DPP6: variants seen among roughly 807,000 people sequenced by gnomAD.
DPP6 encodes dipeptidyl peptidase like 6.
DPP6 carries 69 observed loss-of-function variants against 122.6 expected under a neutral mutation model. The observed-to-expected ratio is 0.56, with a 90% CI of 0.46 to 0.69. DPP6 has a LOEUF of 0.69. DPP6 is among the 30% of genes least tolerant of loss of function. The pLI is 0.00. For missense variants in DPP6, 928 were observed against 1,116.9 expected (o/e 0.83, Z 2.41); for synonymous variants, 418 against 433.1 (o/e 0.97, Z 0.43).
At chr7:154,180,515 TATAA>T (rs72360405) in intron 1 of DPP6, among the ~76,000 whole-genome samples, 5,674 of 144,258 alleles carry the variant, frequency 0.039, 350 homozygotes, top group African/African-American at 0.14. Context: ...AATAAATATA[TATAA>T]ATATATAGAG....
intron 5 of DPP6, among the ~76,000 whole-genome samples, chr7:154,573,206 G>T (rs112031070): frequency 0.013 from 2,023 of 152,224 alleles, 51 homozygotes; most frequent in East Asian, 0.087. Flanking sequence ...TGATCCAAGC[G>T]TTTTCTGCTG....
At chr7:154,097,009 T>C (rs1485805978) in intron 1 of DPP6, among the ~76,000 whole-genome samples, 2 of 152,222 alleles carry the variant, frequency 1.3e-5, no homozygotes, top group African/African-American at 2.4e-5. Context: ...TGTGCTCCCC[T>C]TGTAGGTAGA....
chr7:154,773,055 A>C, intron 10 of DPP6, 113 bp downstream of exon 10: 1 of 1,314,190 alleles, frequency 7.6e-7, no homozygotes, highest in South Asian at 2.0e-5. Flanking sequence ...AACATCCAAG[A>C]AAAAGGTACC....
At chr7:154,076,006 A>T (rs1476516755) in intron 1 of DPP6, among the ~76,000 whole-genome samples, 1 of 151,638 alleles carries the variant, frequency 6.6e-6, no homozygotes, top group Non-Finnish European at 1.5e-5. Context: ...AAATAAAGGA[A>T]TGAACTTATA....
At chr7:153,802,326 G>A in the DPP6 span, among the ~76,000 whole-genome samples, 1 of 152,198 alleles carries the variant, frequency 6.6e-6, no homozygotes. Context: ...GCGCTCACCT[G>A]TGCCTACTGG....
Position 154,131,349 on chromosome 7 carries a change from A to G in DPP6, c.243+78286A>G, listed in dbSNP as rs143112986. On this transcript the variant is annotated intron_variant, in intron 1 of 25. Coordinates refer to ENST00000377770, the MANE Select transcript of DPP6 (RefSeq NM_130797.4). ...TCAGTTGTGACTGATAACATGCTGGACCCGTGTTGGGAAAACTGAACTGGA... is the reference window on the plus strand; with the variant it reads ...TCAGTTGTGACTGATAACATGCTGGGCCCGTGTTGGGAAAACTGAACTGGA... Among the ~76,000 whole-genome samples, 46 of 152,260 alleles carry G rather than the reference A, an allele frequency of 3.0e-4. No individual in the cohort carries two copies. The East Asian group carries it at 3.7e-3, about 12-fold the overall frequency.
At chr7:154,829,411 G>T (rs1412923624) in intron 16 of DPP6, among the ~76,000 whole-genome samples, 4 of 128,192 alleles carry the variant, frequency 3.1e-5, no homozygotes, top group African/African-American at 5.7e-5. Context: ...AGAAGAGGGG[G>T]AGAGGAGGAG....
chr7:153,891,018 A>ATT (rs71182849), intron 1 of DPP6, among the ~76,000 whole-genome samples: 7 of 59,192 alleles, frequency 1.2e-4, no homozygotes, highest in Admixed American at 4.7e-4. Flanking sequence ...TTCTATTTTA[A>ATT]TTTTTTTTTT....
chr7:154,002,268 G>A (rs1197524667), intron 1 of DPP6, among the ~76,000 whole-genome samples: 1 of 151,428 alleles, frequency 6.6e-6, no homozygotes, highest in Non-Finnish European at 1.5e-5. Context: ...GCTTTTTTAG[G>A]CCTCTTACCA....
rs555175653 is a variant in DPP6, at chr7:154,849,544, T to C, written c.1667-4236T>C. On this transcript the variant is annotated intron_variant, in intron 16 of 25. Transcript: ENST00000377770. ...GTAACCTGCAGCTTTACTGAATTTG[T>C]CCATCAGTTCTAACATTCCTTTGGT... is the stretch of plus-strand genomic sequence containing the variant. 3.9e-5 allele frequency among the ~76,000 whole-genome samples: 6 copies of C among 152,368 alleles called. No individual in the cohort carries two copies. The South Asian group carries it at 1.2e-3, about 32-fold the overall frequency.
intron 1 of DPP6, among the ~76,000 whole-genome samples, chr7:154,367,517 T>A (rs181631123): frequency 6.6e-6 from 1 of 152,350 alleles, no homozygotes; most frequent in Admixed American, 6.5e-5. Context: ...CACCAACACC[T>A]GGTGTATGTT....
chr7:154,614,336 A>C (rs1002441917), intron 5 of DPP6, among the ~76,000 whole-genome samples: 2 of 152,118 alleles, frequency 1.3e-5, no homozygotes, highest in African/African-American at 4.8e-5. Flanking sequence ...ATAATTATGG[A>C]ATTAGCCTAG....
chr7:154,078,444 G>T (rs13225923), intron 1 of DPP6, among the ~76,000 whole-genome samples: 32,474 of 151,676 alleles, frequency 0.21, 3,567 homozygotes, highest in East Asian at 0.43. Flanking sequence ...GATGAAGCAA[G>T]ATTCCAAAAT....
At chr7:154,140,035 C>T (rs1795766350) in intron 1 of DPP6, among the ~76,000 whole-genome samples, 1 of 152,180 alleles carries the variant, frequency 6.6e-6, no homozygotes, top group African/African-American at 2.4e-5. Flanking sequence ...TCCATCAGAT[C>T]CTCCAATATG....
the DPP6 span, among the ~76,000 whole-genome samples, chr7:153,836,681 C>T: frequency 2.0e-3 from 309 of 152,256 alleles, 2 homozygotes; most frequent in African/African-American, 7.1e-3. Flanking sequence ...ACGTAGGTAG[C>T]CTGCCAGTAC....
At chr7:154,223,367 A>G (rs1213484403) in intron 1 of DPP6, among the ~76,000 whole-genome samples, 2 of 149,372 alleles carry the variant, frequency 1.3e-5, no homozygotes, top group Non-Finnish European at 2.9e-5. Flanking sequence ...GGCACCAGGG[A>G]TTTGATGATG....
intron 1 of DPP6, among the ~76,000 whole-genome samples, chr7:153,961,509 T>G (rs991391284): frequency 3.3e-5 from 5 of 150,442 alleles, no homozygotes; most frequent in Non-Finnish European, 7.4e-5. Flanking sequence ...GTCCCCAGAC[T>G]TTTTGGCACC....
At chr7:154,630,143 C>A (rs965689832) in intron 5 of DPP6, among the ~76,000 whole-genome samples, 1 of 152,194 alleles carries the variant, frequency 6.6e-6, no homozygotes, top group South Asian at 2.1e-4. Flanking sequence ...ATGACCTCTG[C>A]GCCTTACTCT....
intron 2 of DPP6, among the ~76,000 whole-genome samples, chr7:154,454,225 G>T (rs1382528543): frequency 1.3e-5 from 2 of 152,152 alleles, no homozygotes; most frequent in African/African-American, 4.8e-5. Context: ...GTGAGTCCTG[G>T]GCTCCTCCGT....
Sources: gnomAD v4.1 joint callset for allele counts (sites outside exome capture counted in the v4.1 genomes callset) on GRCh38, gnomAD v4.1.1 for gene constraint, MANE v1.5 for transcripts, NCBI Gene and HGNC (gene_info 2026-07-23, HGNC 2026-07-21) for gene names.